The following LSAMP variants were observed in gnomAD, a reference collection of about 807,000 sequenced individuals.
LSAMP encodes the protein limbic system-associated membrane protein.
Under a neutral mutation model 38.6 loss-of-function variants are expected in LSAMP, and 7 were observed. The ratio of observed to expected loss-of-function variants is 0.18; its 90% CI spans 0.10 to 0.34. LSAMP has a LOEUF of 0.34. Among genes scored for constraint, LSAMP ranks in the 10% least tolerant of loss-of-function variants. LSAMP has a pLI of 1.00. For synonymous variants in LSAMP, 154 were observed against 166.8 expected, an observed-to-expected ratio of 0.92 and a Z score of 0.59; for missense variants, 313 against 420.0, an observed-to-expected ratio of 0.75 and a Z score of 2.23.
intron 1 of LSAMP, among the ~76,000 whole-genome samples, chr3:116,375,181 T>G (rs2048479152): frequency 6.6e-6 from 1 of 151,980 alleles, no homozygotes; most frequent in African/African-American, 2.4e-5. Flanking sequence ...TATTATATGC[T>G]GACTAAGAGA....
chr3:115,991,743 C>T (rs1212619791), intron 3 of LSAMP, among the ~76,000 whole-genome samples: 1 of 151,934 alleles, frequency 6.6e-6, no homozygotes, highest in Non-Finnish European at 1.5e-5. Flanking sequence ...CAGTAGAAAC[C>T]CCAAAAAAAG....
chr3:116,240,017 G>C (rs2046512656), intron 1 of LSAMP, among the ~76,000 whole-genome samples: 1 of 152,056 alleles, frequency 6.6e-6, no homozygotes, highest in African/African-American at 2.4e-5. Context: ...TGTGTGTTCA[G>C]TTACACATAG....
chr3:115,928,529 G>A (rs1390220871), intron 3 of LSAMP, among the ~76,000 whole-genome samples: 1 of 152,200 alleles, frequency 6.6e-6, no homozygotes, highest in East Asian at 1.9e-4. Flanking sequence ...TGGCTTAATG[G>A]AAGTCAGAGA....
intron 4 of LSAMP, among the ~76,000 whole-genome samples, chr3:115,850,585 C>T (rs1209190841): frequency 6.6e-6 from 1 of 152,148 alleles, no homozygotes; most frequent in East Asian, 1.9e-4. Context: ...ACACCCAACA[C>T]TAGAAAATAA....
At chr3:115,952,837 A>G (rs1297003870) in intron 3 of LSAMP, among the ~76,000 whole-genome samples, 1 of 152,210 alleles carries the variant, frequency 6.6e-6, no homozygotes, top group Non-Finnish European at 1.5e-5. Flanking sequence ...AAAGTAAAGA[A>G]CAACAGGAAA....
chr3:115,971,013 G>A (rs557536709), intron 3 of LSAMP, among the ~76,000 whole-genome samples: 2 of 152,214 alleles, frequency 1.3e-5, no homozygotes, highest in South Asian at 2.1e-4. Context: ...AGAGTAATGG[G>A]AACAATTCAT....
intron 1 of LSAMP, among the ~76,000 whole-genome samples, chr3:116,143,083 A>T (rs1437858456): frequency 6.6e-6 from 1 of 150,780 alleles, no homozygotes; most frequent in Non-Finnish European, 1.5e-5. Context: ...TTTGTCCAAC[A>T]TGATATAACA....
chr3:115,868,063 G>T lies in LSAMP; in HGVS notation c.515-15446C>A, dbSNP rs114641642. ...CCTAGTCCTAATATAGTTACAGTTG[G>T]TCTAAGGGCTTTAGATTTAGGCTTG... On this transcript the variant is annotated intron_variant, in intron 3 of 6. Coordinates refer to ENST00000490035, the MANE Select transcript of LSAMP (RefSeq NM_002338.5). Among the ~76,000 whole-genome samples, 1,145 of 152,170 alleles carry T rather than the reference G, an allele frequency of 7.5e-3. 17 individuals carry two copies. The highest frequency in any genetic ancestry group is 0.026 in the African/African-American group (1,066 of 41,520).
intron 1 of LSAMP, among the ~76,000 whole-genome samples, chr3:116,372,603 A>C (rs1239763838): frequency 1.3e-5 from 2 of 151,998 alleles, no homozygotes; most frequent in Non-Finnish European, 2.9e-5. Flanking sequence ...TCTGAAAGAC[A>C]CTATCAACAG....
At chr3:115,928,274 C>T (rs1422876147) in intron 3 of LSAMP, among the ~76,000 whole-genome samples, 1 of 152,118 alleles carries the variant, frequency 6.6e-6, no homozygotes, top group Non-Finnish European at 1.5e-5. Flanking sequence ...CTCATATTTG[C>T]TTCTCTTCTT....
intron 2 of LSAMP, among the ~76,000 whole-genome samples, chr3:116,056,538 A>G (rs1559725535): frequency 6.6e-6 from 1 of 152,206 alleles, no homozygotes; most frequent in Non-Finnish European, 1.5e-5. Context: ...ACAGAATATT[A>G]TACAACCATA....
chr3:116,384,700 C>T (rs2048603486), intron 1 of LSAMP, among the ~76,000 whole-genome samples: 1 of 152,052 alleles, frequency 6.6e-6, no homozygotes, highest in African/African-American at 2.4e-5. Context: ...GAAAAGGTAG[C>T]TTTGAGGAGG....
At chr3:115,861,177 C>G (rs1440819490) in intron 3 of LSAMP, among the ~76,000 whole-genome samples, 5 of 123,138 alleles carry the variant, frequency 4.1e-5, no homozygotes, top group Non-Finnish European at 6.6e-5. Flanking sequence ...TTCCTTCCTT[C>G]CTTCCTTCCT....
At chr3:116,010,959 T>C (rs1251441730) in intron 3 of LSAMP, among the ~76,000 whole-genome samples, 3 of 152,226 alleles carry the variant, frequency 2.0e-5, no homozygotes, top group Admixed American at 6.5e-5. Flanking sequence ...TGAACACCTG[T>C]AATATGCCAA....
At chr3:116,438,841 A>AT (rs1443682002) in intron 1 of LSAMP, among the ~76,000 whole-genome samples, 2 of 152,228 alleles carry the variant, frequency 1.3e-5, no homozygotes, top group Admixed American at 6.5e-5. Flanking sequence ...TCCATGGCTC[A>AT]TAAGGATGAA....
At chr3:115,967,037 AT>A (rs1262905266) in intron 3 of LSAMP, among the ~76,000 whole-genome samples, 1 of 152,148 alleles carries the variant, frequency 6.6e-6, no homozygotes, top group Non-Finnish European at 1.5e-5. Flanking sequence ...ACTTATGCAA[AT>A]TTCTGCAGCC....
intron 2 of LSAMP, among the ~76,000 whole-genome samples, chr3:116,066,499 T>C (rs1293848643): frequency 3.9e-5 from 6 of 152,230 alleles, no homozygotes; most frequent in Admixed American, 3.9e-4. Flanking sequence ...CTGTCAGATA[T>C]TATTGTCTTC....
intron 2 of LSAMP, among the ~76,000 whole-genome samples, chr3:116,030,956 C>T (rs1045486242): frequency 2.0e-5 from 3 of 152,006 alleles, no homozygotes; most frequent in African/African-American, 7.3e-5. Flanking sequence ...CAAAACATGT[C>T]ATGGGCAACC....
chr3:116,421,553 A>AAG (rs958479145), intron 1 of LSAMP, among the ~76,000 whole-genome samples: 1 of 146,270 alleles, frequency 6.8e-6, no homozygotes, highest in Non-Finnish European at 1.5e-5. Context: ...TAAAAAAAAA[A>AAG]AAGAAGAAGA....
Sources: gnomAD v4.1 joint callset for allele counts (sites outside exome capture counted in the v4.1 genomes callset) on GRCh38, gnomAD v4.1.1 for gene constraint, MANE v1.5 for transcripts, NCBI Gene and HGNC (gene_info 2026-07-23, HGNC 2026-07-21) for gene names.